Variants in GNAQ observed in about 807,000 individuals in gnomAD.
GNAQ encodes the protein guanine nucleotide-binding protein G(q) subunit alpha.
A neutral mutation model predicts 43.9 loss-of-function variants in GNAQ; 8 were observed. The observed-to-expected ratio is 0.18, with a 90% CI of 0.11 to 0.33. The LOEUF is 0.33. GNAQ is among the 10% of genes least tolerant of loss of function. GNAQ has a pLI of 1.00. For missense variants in GNAQ, 158 were observed against 450.8 expected, an observed-to-expected ratio of 0.35 and a Z score of 5.88; for synonymous variants, 155 against 170.7, an observed-to-expected ratio of 0.91 and a Z score of 0.71.
intron 2 of GNAQ, among the ~76,000 whole-genome samples, chr9:77,901,490 G>C (rs1289055780): frequency 6.6e-6 from 1 of 152,176 alleles, no homozygotes; most frequent in African/African-American, 2.4e-5. Context: ...TTCAAGAGCA[G>C]TACAGATACC....
chr9:77,975,619 A>G (rs1587440795), intron 1 of GNAQ, among the ~76,000 whole-genome samples: 1 of 147,002 alleles, frequency 6.8e-6, no homozygotes, highest in East Asian at 2.0e-4. Flanking sequence ...GGTTCACTGC[A>G]ACCTCCTCCT....
chr9:77,807,449 C>T (rs1826846429), intron 3 of GNAQ, among the ~76,000 whole-genome samples: 1 of 152,322 alleles, frequency 6.6e-6, no homozygotes, highest in African/African-American at 2.4e-5. Flanking sequence ...TCACATGACA[C>T]ATAATCCTTG....
intron 1 of GNAQ, among the ~76,000 whole-genome samples, chr9:77,999,875 C>T (rs1028469003): frequency 6.6e-6 from 1 of 152,050 alleles, no homozygotes; most frequent in Non-Finnish European, 1.5e-5. Flanking sequence ...AGTATTAGTT[C>T]CCTAGTAGGA....
At chr9:78,006,606 T>C (rs1033481644) in intron 1 of GNAQ, among the ~76,000 whole-genome samples, 7 of 152,216 alleles carry the variant, frequency 4.6e-5, no homozygotes, top group African/African-American at 1.7e-4. Flanking sequence ...TTTCCTTCAT[T>C]TGATCATGCT....
At chr9:77,765,322 A>G (rs1230625389) in intron 5 of GNAQ, among the ~76,000 whole-genome samples, 2 of 152,222 alleles carry the variant, frequency 1.3e-5, no homozygotes, top group African/African-American at 4.8e-5. Flanking sequence ...AAAAACGGAT[A>G]TCACCTATGG....
chr9:77,953,801 TG>T (rs768001745), intron 1 of GNAQ, among the ~76,000 whole-genome samples: 1 of 152,212 alleles, frequency 6.6e-6, no homozygotes, highest in South Asian at 2.1e-4. Context: ...ATACAGCTGC[TG>T]GCAATGAGAA....
At chr9:77,917,963 G>A (rs1828938188) in intron 2 of GNAQ, among the ~76,000 whole-genome samples, 1 of 152,106 alleles carries the variant, frequency 6.6e-6, no homozygotes, top group Non-Finnish European at 1.5e-5. Context: ...TTGACAAAGG[G>A]CATGCAATGT....
At chr9:77,937,157 T>A (rs1829243721) in intron 1 of GNAQ, among the ~76,000 whole-genome samples, 1 of 152,100 alleles carries the variant, frequency 6.6e-6, no homozygotes, top group Non-Finnish European at 1.5e-5. Context: ...AAATGTAGAG[T>A]TCTGGCCAGA....
At position 78,029,701 on chromosome 9, in the gene GNAQ, A is replaced by T. The variant is rs1824025545; in HGVS notation, c.136+1399T>A. 2.0e-5 allele frequency among the ~76,000 whole-genome samples: 3 copies of T among 152,242 alleles called. No homozygotes were observed. In the South Asian group the frequency reaches 6.2e-4, roughly 32 times the overall value. On this transcript the variant is annotated intron_variant, in intron 1 of 6. Coordinates refer to ENST00000286548, the MANE Select transcript of GNAQ (RefSeq NM_002072.5). ...TGTTCCTGCTTGTAAATGATCCAGT[A>T]CATAAGCAGTTCATTCCCAAAGGCA...
chr9:77,763,137 C>CA (rs746721052), intron 5 of GNAQ, among the ~76,000 whole-genome samples: 26 of 126,442 alleles, frequency 2.1e-4, no homozygotes, highest in African/African-American at 7.4e-4. Context: ...AACAAACAAA[C>CA]AAACAAAAAA....
At chr9:77,902,888 C>T (rs1208345347) in intron 2 of GNAQ, among the ~76,000 whole-genome samples, 2 of 152,136 alleles carry the variant, frequency 1.3e-5, no homozygotes, top group Non-Finnish European at 2.9e-5. Context: ...TTTTACTTCA[C>T]GTATTCCTTC....
At chr9:77,957,133 C>T (rs140237753) in intron 1 of GNAQ, among the ~76,000 whole-genome samples, 4 of 151,948 alleles carry the variant, frequency 2.6e-5, no homozygotes, top group South Asian at 4.2e-4. Flanking sequence ...CCGAGGCAGG[C>T]GGTCACGAGG....
chr9:77,782,205 A>AG (rs1224043340), intron 5 of GNAQ, among the ~76,000 whole-genome samples: 1 of 152,080 alleles, frequency 6.6e-6, no homozygotes, highest in Non-Finnish European at 1.5e-5. Context: ...TAAAAAAAAA[A>AG]TCTCCTGGAA....
chr9:77,771,750 GA>G (rs1338678199), intron 5 of GNAQ, among the ~76,000 whole-genome samples: 10 of 152,206 alleles, frequency 6.6e-5, no homozygotes, highest in Non-Finnish European at 1.2e-4. Flanking sequence ...GCATGTCTGT[GA>G]AGCTGGCCCT....
intron 1 of GNAQ, among the ~76,000 whole-genome samples, chr9:77,940,448 G>A (rs1829297810): frequency 6.6e-6 from 1 of 152,086 alleles, no homozygotes; most frequent in South Asian, 2.1e-4. Context: ...TGGGCATGGT[G>A]GGCACCTGTG....
rs542610629 is a variant in GNAQ, at chr9:77,932,675, G to A, written c.137-10330C>T. ...GCTGGATGGCAGAGGTAGGAGGCAC[G>A]GCAGGAGCACAGGCTACAGTTGCAA... On this transcript the variant is annotated intron_variant, in intron 1 of 6. Transcript: ENST00000286548. 3.9e-5 allele frequency among the ~76,000 whole-genome samples: 6 copies of A among 152,230 alleles called. No individual in the cohort carries two copies. The South Asian group carries it at 1.2e-3, about 32-fold the overall frequency.
intron 1 of GNAQ, among the ~76,000 whole-genome samples, chr9:77,986,851 G>A (rs1278338253): frequency 6.8e-6 from 1 of 147,352 alleles, no homozygotes; most frequent in Non-Finnish European, 1.5e-5. Flanking sequence ...GTTTTGATAA[G>A]GGTTTTTAAA....
intron 3 of GNAQ, among the ~76,000 whole-genome samples, chr9:77,799,599 T>TA (rs1156948933): frequency 1.3e-5 from 2 of 151,970 alleles, no homozygotes; most frequent in African/African-American, 4.8e-5. Context: ...AAACTGAATG[T>TA]AAAAAAAATG....
intron 4 of GNAQ, among the ~76,000 whole-genome samples, chr9:77,797,058 A>C (rs965430214): frequency 6.6e-6 from 1 of 151,836 alleles, no homozygotes; most frequent in African/African-American, 2.4e-5. Flanking sequence ...TTTGAGATGG[A>C]GTCTCGCTTC....
Sources: gnomAD v4.1 joint callset for allele counts (sites outside exome capture counted in the v4.1 genomes callset) on GRCh38, gnomAD v4.1.1 for gene constraint, MANE v1.5 for transcripts, NCBI Gene and HGNC (gene_info 2026-07-23, HGNC 2026-07-21) for gene names.